ZFHX3: variants seen among roughly 807,000 people sequenced by gnomAD.
ZFHX3 encodes zinc finger homeobox 3.
In ZFHX3, 42 loss-of-function variants were observed where a neutral mutation model predicts 279.1. The observed-to-expected ratio is 0.15, with a 90% confidence interval of 0.12 to 0.19. The LOEUF is 0.19. ZFHX3 is among the 10% of genes least tolerant of loss of function. ZFHX3 has a pLI of 1.00. For synonymous variants in ZFHX3, 2,293 were observed against 1,957.8 expected, an observed-to-expected ratio of 1.17 and a Z score of -4.52; for missense variants, 4,981 against 4,754.0, an observed-to-expected ratio of 1.05 and a Z score of -1.40.
intron 8 of ZFHX3, among the ~76,000 whole-genome samples, chr16:73,068,485 C>A (rs533096573): frequency 6.6e-6 from 1 of 152,308 alleles, no homozygotes; most frequent in East Asian, 1.9e-4. Context: ...AGGGACAATG[C>A]AATAGAGAAA....
intron 1 of ZFHX3, among the ~76,000 whole-genome samples, chr16:73,763,670 T>G (rs2053896339): frequency 6.6e-6 from 1 of 152,132 alleles, no homozygotes; most frequent in Admixed American, 6.5e-5. Flanking sequence ...GTTACTTGCT[T>G]CTTATTAACA....
intron 4 of ZFHX3, among the ~76,000 whole-genome samples, chr16:73,264,769 G>GT (rs1246882968): frequency 1.3e-5 from 2 of 151,936 alleles, no homozygotes; most frequent in African/African-American, 2.4e-5. Flanking sequence ...AAAGTCCATT[G>GT]TATCATTCTT....
intron 8 of ZFHX3, among the ~76,000 whole-genome samples, chr16:73,071,771 C>G (rs1368937670): frequency 6.6e-6 from 1 of 152,206 alleles, no homozygotes; most frequent in African/African-American, 2.4e-5. Context: ...ATGGGAGCCT[C>G]AAAGTGTTTA....
chr16:73,670,256 A>G (rs887517909), intron 2 of ZFHX3, among the ~76,000 whole-genome samples: 18 of 152,342 alleles, frequency 1.2e-4, no homozygotes, highest in African/African-American at 4.3e-4. Context: ...TACAGAATTT[A>G]GAAAGTGTAT....
intron 4 of ZFHX3, among the ~76,000 whole-genome samples, chr16:73,291,041 T>C (rs963412771): frequency 1.3e-5 from 2 of 152,174 alleles, no homozygotes; most frequent in African/African-American, 4.8e-5. Flanking sequence ...AAACACATTC[T>C]AGCCAATCAA....
intron 4 of ZFHX3, among the ~76,000 whole-genome samples, chr16:72,866,326 T>C (rs2038022958): frequency 6.6e-6 from 1 of 152,294 alleles, no homozygotes; most frequent in South Asian, 2.1e-4. Context: ...AAACAAAGAT[T>C]AATGAGGTAG....
chr16:73,836,400 T>C (rs1339719352), intron 1 of ZFHX3, among the ~76,000 whole-genome samples: 1 of 152,232 alleles, frequency 6.6e-6, no homozygotes, highest in Non-Finnish European at 1.5e-5. Context: ...AAATGGGTTA[T>C]TTAACATGTT....
chr16:73,569,543 A>T (rs977172855), intron 2 of ZFHX3, among the ~76,000 whole-genome samples: 1 of 151,892 alleles, frequency 6.6e-6, no homozygotes, highest in Non-Finnish European at 1.5e-5. Context: ...GTTATTCTAT[A>T]CTAGCCAGCA....
intron 4 of ZFHX3, among the ~76,000 whole-genome samples, chr16:72,881,169 A>G (rs913242834): frequency 6.6e-6 from 1 of 152,228 alleles, no homozygotes; most frequent in South Asian, 2.1e-4. Flanking sequence ...AGAAATCTGT[A>G]TTGTCTAAGT....
intron 1 of ZFHX3, among the ~76,000 whole-genome samples, chr16:73,891,261 G>T (rs2030528805): frequency 6.6e-6 from 1 of 151,962 alleles, no homozygotes; most frequent in Admixed American, 6.6e-5. Flanking sequence ...TTTCCAGCAC[G>T]CTGTGCTGGT....
chr16:72,978,928 C>T (rs1351065379), intron 1 of ZFHX3, among the ~76,000 whole-genome samples: 2 of 152,186 alleles, frequency 1.3e-5, no homozygotes, highest in East Asian at 3.9e-4. Context: ...TGGTCCTCAC[C>T]TAACCCTCTA....
intron 3 of ZFHX3, among the ~76,000 whole-genome samples, chr16:73,397,164 T>C (rs1206009169): frequency 1.3e-5 from 2 of 152,238 alleles, no homozygotes; most frequent in Non-Finnish European, 2.9e-5. Context: ...GTTCATAATC[T>C]AGACAGACAG....
chr16:73,483,236 G>A lies in ZFHX3; in HGVS notation c.-1546-26978C>T. The stretch of plus-strand genomic sequence containing the variant: ...TGCTCCAAGTGCCAGCGCACGCCTG[G>A]CCCAGAGGTCCATCGGGCTGCCAGG... On this transcript the variant is annotated intron_variant, in intron 2 of 17. Coordinates refer to the ZFHX3 transcript ENST00000641206. 8.0e-6 allele frequency: 3 copies of A among 375,680 alleles called. 1 individual carries two copies. Among genetic ancestry groups the A allele is most frequent in the South Asian group, 5.9e-5 (3 of 50,494 alleles). 23.3% of individuals were successfully genotyped at this position (375,680 alleles called of 1,614,324 possible).
At chr16:73,740,867 A>G (rs1333960376) in intron 1 of ZFHX3, among the ~76,000 whole-genome samples, 1 of 152,172 alleles carries the variant, frequency 6.6e-6, no homozygotes, top group Non-Finnish European at 1.5e-5. Flanking sequence ...TTGGGAAGAA[A>G]GAAGCCTTCA....
chr16:73,790,600 T>A (rs1448402920), intron 1 of ZFHX3, among the ~76,000 whole-genome samples: 1 of 152,258 alleles, frequency 6.6e-6, no homozygotes, highest in African/African-American at 2.4e-5. Context: ...AGAGATGTTC[T>A]AGGTGCTTTC....
chr16:73,501,225 T>A (rs1251628520), intron 2 of ZFHX3, among the ~76,000 whole-genome samples: 1 of 152,240 alleles, frequency 6.6e-6, no homozygotes, highest in Non-Finnish European at 1.5e-5. Context: ...TAGTAGGCTA[T>A]ACCATCTAGA....
Position 72,869,121 on chromosome 16 carries a change from A to G in ZFHX3, c.3448+20610T>C, listed in dbSNP as rs193270812. 9.1e-4 allele frequency among the ~76,000 whole-genome samples: 138 copies of G among 152,368 alleles called. No homozygotes were observed. The Middle Eastern group carries it at 0.024, about 26-fold the overall frequency. ...AGAGAAGACGGAAAGGAAGGCAGGA[A>G]GGACTTCAAATTTTTAACAGTTTTA... On this transcript the variant is annotated intron_variant, in intron 4 of 9. Coordinates refer to ENST00000268489, the MANE Select transcript of ZFHX3 (RefSeq NM_006885.4).
intron 1 of ZFHX3, among the ~76,000 whole-genome samples, chr16:73,030,876 T>C (rs1454692496): frequency 6.6e-6 from 1 of 152,166 alleles, no homozygotes; most frequent in Non-Finnish European, 1.5e-5. Context: ...CTACTGAAGC[T>C]GGTCTGGGAT....
At position 73,841,058 on chromosome 16, in the gene ZFHX3, G is replaced by C. The variant is rs544325186; in HGVS notation, c.-1608+50593C>G. ...TCCAGGCTGGAGTCCTGGAAGTGGA[G>C]AGGTATGTGAAATCAGTTAAAGGGG... On this transcript the variant is annotated intron_variant, in intron 1 of 17. Transcript: ENST00000641206. Among the ~76,000 whole-genome samples the C allele has an allele frequency of 2.6e-5, 4 of 152,292 alleles. No individual in the cohort carries two copies. The South Asian group carries it at 8.3e-4, about 32-fold the overall frequency.
Sources: gnomAD v4.1 joint callset for allele counts (sites outside exome capture counted in the v4.1 genomes callset) on GRCh38, gnomAD v4.1.1 for gene constraint, MANE v1.5 for transcripts, NCBI Gene and HGNC (gene_info 2026-07-23, HGNC 2026-07-21) for gene names.